The following ESRRG variants were observed in gnomAD, a reference collection of about 807,000 sequenced individuals.
The protein encoded by ESRRG is estrogen-related receptor gamma.
In ESRRG, 13 loss-of-function variants were observed where a neutral mutation model predicts 44.0. The observed-to-expected ratio is 0.30, with a 90% CI of 0.19 to 0.47. The LOEUF is 0.47. Among genes scored for constraint, ESRRG ranks in the 20% least tolerant of loss-of-function variants. The pLI is 1.00. For synonymous variants in ESRRG, 215 were observed against 214.6 expected, an observed-to-expected ratio of 1.00 and a Z score of -0.02; for missense variants, 395 against 580.6, an observed-to-expected ratio of 0.68 and a Z score of 3.29.
intron 2 of ESRRG, among the ~76,000 whole-genome samples, chr1:216,759,459 C>T (rs953423884): frequency 2.0e-5 from 3 of 152,086 alleles, no homozygotes; most frequent in Non-Finnish European, 4.4e-5. Context: ...TCCCCCCATT[C>T]ACTCAAGGCC....
intron 3 of ESRRG, among the ~76,000 whole-genome samples, chr1:216,595,196 T>C (rs1386676587): frequency 6.6e-6 from 1 of 152,094 alleles, no homozygotes; most frequent in Non-Finnish European, 1.5e-5. Flanking sequence ...AAATGTTTAA[T>C]GATAGAAAAC....
intron 1 of ESRRG, among the ~76,000 whole-genome samples, chr1:216,688,955 T>C (rs1350282800): frequency 6.6e-6 from 1 of 152,122 alleles, no homozygotes; most frequent in Non-Finnish European, 1.5e-5. Flanking sequence ...ATATATATCT[T>C]AAAATACAGA....
chr1:216,600,387 A>T lies in ESRRG; in HGVS notation c.590-32289T>A, dbSNP rs375202117. 2.0e-5 allele frequency among the ~76,000 whole-genome samples: 3 copies of T among 152,224 alleles called. No homozygotes were observed. The South Asian group carries it at 6.2e-4, about 32-fold the overall frequency. ...CCATGCGGATTCATCGATTGTTAAC[A>T]AATGTACCAGTCTACTGGGAAATGT... is the stretch of plus-strand genomic sequence containing the variant. On this transcript the variant is annotated intron_variant, in intron 3 of 6. Transcript: ENST00000408911.
At chr1:216,840,687 TAAGGTTAC>T (rs2095638496) in intron 2 of ESRRG, among the ~76,000 whole-genome samples, 1 of 152,162 alleles carries the variant, frequency 6.6e-6, no homozygotes, top group Non-Finnish European at 1.5e-5. Flanking sequence ...GAGGTCATTG[TAAGGTTAC>T]TAATTGGCCT....
chr1:216,749,158 T>C (rs1346952204), intron 2 of ESRRG, among the ~76,000 whole-genome samples: 1 of 151,402 alleles, frequency 6.6e-6, no homozygotes, highest in Non-Finnish European at 1.5e-5. Context: ...TTTTTTTTTT[T>C]GCACTGTTAT....
intron 2 of ESRRG, among the ~76,000 whole-genome samples, chr1:216,783,081 G>A (rs2093992634): frequency 6.6e-6 from 1 of 151,888 alleles, no homozygotes; most frequent in Admixed American, 6.6e-5. Context: ...GAGTTAGGGG[G>A]CATATCGGAA....
chr1:216,954,271 T>A, intron 1 of ESRRG, among the ~76,000 whole-genome samples: 1 of 152,110 alleles, frequency 6.6e-6, no homozygotes, highest in East Asian at 1.9e-4. Context: ...TTAAAAAAAA[T>A]AAAAACTTCA....
intron 2 of ESRRG, among the ~76,000 whole-genome samples, chr1:216,890,131 G>T (rs1183814470): frequency 6.6e-6 from 1 of 151,988 alleles, no homozygotes; most frequent in Non-Finnish European, 1.5e-5. Flanking sequence ...TGTATGTGCT[G>T]GTACATGACT....
intron 2 of ESRRG, chr1:216,939,488 G>C (rs1016719879): frequency 6.6e-6 from 1 of 151,844 alleles, no homozygotes; most frequent in African/African-American, 2.4e-5. Flanking sequence ...ATGTCAAGAG[G>C]ACACTTAACC....
chr1:216,778,518 C>T (rs1478589765), intron 2 of ESRRG, among the ~76,000 whole-genome samples: 1 of 151,806 alleles, frequency 6.6e-6, no homozygotes, highest in Admixed American at 6.6e-5. Flanking sequence ...TCTATAGATC[C>T]CTGGGTCACT....
At chr1:216,925,935 G>A (rs1054921792) in intron 2 of ESRRG, among the ~76,000 whole-genome samples, 3 of 151,948 alleles carry the variant, frequency 2.0e-5, no homozygotes, top group Non-Finnish European at 4.4e-5. Flanking sequence ...GGGCAACAGA[G>A]CTAGACTCTG....
At chr1:216,700,415 C>G (rs189838596) in intron 1 of ESRRG, among the ~76,000 whole-genome samples, 3 of 152,252 alleles carry the variant, frequency 2.0e-5, no homozygotes, top group Non-Finnish European at 4.4e-5. Context: ...ATAAAATCAG[C>G]TCATTCAGTT....
At chr1:216,814,158 A>AT (rs2095062614) in intron 2 of ESRRG, among the ~76,000 whole-genome samples, 1 of 151,904 alleles carries the variant, frequency 6.6e-6, no homozygotes, top group African/African-American at 2.4e-5. Context: ...CCACAATGCT[A>AT]TTGTCATTTG....
intron 3 of ESRRG, among the ~76,000 whole-genome samples, chr1:216,583,479 G>A (rs17669622): frequency 0.19 from 28,188 of 152,266 alleles, 3,249 homozygotes; most frequent in Non-Finnish European, 0.26. Context: ...CTTGGAAGTT[G>A]TCATTGCAGT....
intron 1 of ESRRG, among the ~76,000 whole-genome samples, chr1:216,993,715 C>A (rs985815432): frequency 6.6e-6 from 1 of 152,196 alleles, no homozygotes; most frequent in Non-Finnish European, 1.5e-5. Flanking sequence ...GAATGACTCA[C>A]TCCTGGCTAG....
intron 2 of ESRRG, among the ~76,000 whole-genome samples, chr1:216,660,638 G>A (rs528452995): frequency 6.6e-6 from 1 of 152,334 alleles, no homozygotes; most frequent in South Asian, 2.1e-4. Context: ...AGCTGTTGCT[G>A]TTGCTATTGT....
intron 5 of ESRRG, among the ~76,000 whole-genome samples, chr1:216,542,232 T>C (rs932226615): frequency 6.6e-6 from 1 of 152,002 alleles, no homozygotes; most frequent in East Asian, 1.9e-4. Context: ...TTTTTTCCTC[T>C]TTTTTGAACT....
chr1:216,918,686 T>G (rs2061474782), intron 2 of ESRRG, among the ~76,000 whole-genome samples: 1 of 151,996 alleles, frequency 6.6e-6, no homozygotes, highest in Admixed American at 6.6e-5. Flanking sequence ...ATAAACTGAT[T>G]GTGCTTTGAG....
At chr1:217,065,099 T>A (rs2089404528) in intron 1 of ESRRG, among the ~76,000 whole-genome samples, 1 of 152,216 alleles carries the variant, frequency 6.6e-6, no homozygotes, top group African/African-American at 2.4e-5. Context: ...GTGTTTCAAC[T>A]GCTACTAGAA....
Sources: gnomAD v4.1 joint callset for allele counts (sites outside exome capture counted in the v4.1 genomes callset) on GRCh38, gnomAD v4.1.1 for gene constraint, MANE v1.5 for transcripts, NCBI Gene and HGNC (gene_info 2026-07-23, HGNC 2026-07-21) for gene names.